The following AP1AR variants were observed in gnomAD, a reference collection of about 807,000 sequenced individuals.
AP1AR encodes the protein adaptor related protein complex 1 associated regulatory protein.
In AP1AR, 29 loss-of-function variants were observed where a neutral mutation model predicts 46.3. That is an observed-to-expected ratio of 0.63 (90% CI 0.47 to 0.85). The LOEUF is 0.85. Among genes scored for constraint, AP1AR ranks in the 40% least tolerant of loss-of-function variants. The probability of loss-of-function intolerance (pLI) is 0.00; values close to 1 mark genes in which losing one functional copy is unlikely to be tolerated. For missense variants in AP1AR, 357 were observed against 356.3 expected (o/e 1.00, Z -0.02); for synonymous variants, 122 against 122.9 (o/e 0.99, Z 0.05).
At chr4:112,259,036 A>T (rs1726329555) in intron 4 of AP1AR, among the ~76,000 whole-genome samples, 1 of 152,134 alleles carries the variant, frequency 6.6e-6, no homozygotes, top group Admixed American at 6.5e-5. Flanking sequence ...CTAGAAGAGG[A>T]TTCTGAAGAT....
Position 112,265,365 on chromosome 4 carries a change from C to G in AP1AR, c.440+298C>G, listed in dbSNP as rs1726656575. 3.9e-5 allele frequency: 14 copies of G among 358,598 alleles called. No individual in the cohort carries two copies. In the South Asian group the frequency reaches 8.9e-4, roughly 23 times the overall value. 22.2% of individuals were successfully genotyped at this position (358,598 alleles called of 1,614,324 possible). On this transcript the variant is annotated intron_variant, in intron 7 of 9. Transcript: ENST00000274000. ...TTATACCCCAGTTGTTTGTGTTTTC[C>G]TTAGTCCCTCTCTTTCTTATAATAA...
chr4:112,233,366 T>C (rs1254717722), intron 1 of AP1AR, among the ~76,000 whole-genome samples: 1 of 152,252 alleles, frequency 6.6e-6, no homozygotes, highest in Non-Finnish European at 1.5e-5. Context: ...GTGTAATATT[T>C]CGATTTCCCT....
intron 1 of AP1AR, among the ~76,000 whole-genome samples, chr4:112,245,163 C>T (rs980625452): frequency 1.3e-4 from 20 of 152,006 alleles, no homozygotes; most frequent in Non-Finnish European, 1.5e-5. Flanking sequence ...TTTATATACT[C>T]CTAATTTTTA....
At chr4:112,254,675 T>C in intron 2 of AP1AR, 72 bp from the exon 3 acceptor site, 2 of 950,404 alleles carry the variant, frequency 2.1e-6, no homozygotes, top group Non-Finnish European at 3.2e-6. Flanking sequence ...GTGAAAAAAG[T>C]AACATAATTT....
chr4:112,260,273 A>G (rs917362243), intron 4 of AP1AR, among the ~76,000 whole-genome samples: 2 of 152,200 alleles, frequency 1.3e-5, no homozygotes, highest in Admixed American at 6.5e-5. Context: ...CCAGAAGATG[A>G]CTGGGACAGA....
chr4:112,270,303 G>A lies in AP1AR; in HGVS notation c.*1894G>A, dbSNP rs1480455393. On this transcript the variant is annotated 3_prime_UTR_variant, in exon 10 of 10. Transcript: ENST00000274000. ...TAATATTATTGGAACTGTGTCTGGT[G>A]GGTGTTAGGGACATAGAAGTACAAA... Among the ~76,000 whole-genome samples the A allele has an allele frequency of 1.3e-5, 2 of 152,202 alleles. No homozygotes were observed. The highest frequency in any genetic ancestry group is 2.9e-5 in the Non-Finnish European group (2 of 68,032).
intron 1 of AP1AR, among the ~76,000 whole-genome samples, chr4:112,252,631 T>G (rs965011364): frequency 6.6e-6 from 1 of 152,216 alleles, no homozygotes; most frequent in African/African-American, 2.4e-5. Context: ...TTGGCCCTAG[T>G]TGGAAAAAAT....
chr4:112,266,606 C>T lies in AP1AR; in HGVS notation c.533C>T (p.Thr178Ile). Residue 178 changes from threonine to isoleucine, a missense_variant, in exon 9 of 10, where the codon ACA (threonine) becomes ATA (isoleucine). By Grantham distance (89) the Thr-to-Ile change is moderately conservative. Transcript: ENST00000274000. ...ATTCTAGGACTCTCATCAGATGCTACAGTTTTGACACCAAATACAGAAAGC... is the reference window on the plus strand; with the variant it reads ...ATTCTAGGACTCTCATCAGATGCTATAGTTTTGACACCAAATACAGAAAGC... ...FRSSRLSSDA[T>I]VLTPNTESSC... 2 of 1,610,222 alleles carry T rather than the reference C, an allele frequency of 1.2e-6. No individual in the cohort carries two copies. The highest frequency in any genetic ancestry group is 1.7e-6 in the Non-Finnish European group (2 of 1,177,512).
intron 1 of AP1AR, among the ~76,000 whole-genome samples, chr4:112,243,090 T>G (rs573656023): frequency 7.9e-5 from 12 of 152,314 alleles, no homozygotes; most frequent in Middle Eastern, 6.8e-3. Flanking sequence ...ATCGCCTTCC[T>G]TTTTCCTCCA....
intron 1 of AP1AR, among the ~76,000 whole-genome samples, chr4:112,249,969 T>C (rs1725886313): frequency 6.6e-6 from 1 of 152,244 alleles, no homozygotes; most frequent in Non-Finnish European, 1.5e-5. Flanking sequence ...AGCTCCAAGG[T>C]GGCAGGACCT....
Position 112,269,148 on chromosome 4 carries a change from T to C in AP1AR, c.*739T>C, listed in dbSNP as rs1726843007. 6.6e-6 allele frequency: 1 copy of C among 151,560 alleles called. No individual in the cohort carries two copies. Among genetic ancestry groups the C allele is most frequent in the African/African-American group, 2.4e-5 (1 of 41,256 alleles). 9.4% of individuals were successfully genotyped at this position (151,560 alleles called of 1,614,324 possible). On this transcript the variant is annotated 3_prime_UTR_variant, in exon 10 of 10. Transcript: ENST00000274000. ...CACTTCATTTTACATGCCACTATAT[T>C]GACTTTAATTGATATACAGTATTAA... is the stretch of plus-strand genomic sequence containing the variant.
At chr4:112,254,420 C>T (rs559930038) in intron 2 of AP1AR, among the ~76,000 whole-genome samples, 17 of 152,248 alleles carry the variant, frequency 1.1e-4, no homozygotes, top group African/African-American at 3.9e-4. Context: ...GTGGAATATT[C>T]TGGTAGCATG....
chr4:112,260,545 T>C (rs1266621164), intron 4 of AP1AR, among the ~76,000 whole-genome samples: 1 of 152,262 alleles, frequency 6.6e-6, no homozygotes, highest in Non-Finnish European at 1.5e-5. Context: ...CTTTAAAAAC[T>C]ATTCTGATAT....
In AP1AR at chr4:112,265,812, G is replaced by GT. The variant is rs1284835992; in HGVS notation, c.514+11dup. 6.3e-7 allele frequency: 1 copy of GT among 1,580,812 alleles called. No individual in the cohort carries two copies. Among genetic ancestry groups the GT allele is most frequent in the Non-Finnish European group, 8.7e-7 (1 of 1,153,192 alleles). ...ATGAAGTTTTTCGAAGTAGTAGTAAGTTTTTTAAAGTATTTTCTGTACTTT... is the reference window on the plus strand; with the variant it reads ...ATGAAGTTTTTCGAAGTAGTAGTAAGTTTTTTTAAAGTATTTTCTGTACTTT... On this transcript the variant is annotated splice_donor_region_variant and intron_variant, in intron 8 of 9. Transcript: ENST00000274000.
chr4:112,272,104 G>C lies in AP1AR; in HGVS notation c.*3695G>C, dbSNP rs1726976951. 6.6e-6 allele frequency among the ~76,000 whole-genome samples: 1 copy of C among 152,186 alleles called. No individual in the cohort carries two copies. Among genetic ancestry groups the C allele is most frequent in the African/African-American group, 2.4e-5 (1 of 41,434 alleles). ...TGAAGGGATGGAAACTGGGGAGTTG[G>C]GGATGAAGAATAAAGAACAGCTAAT... On this transcript the variant is annotated 3_prime_UTR_variant, in exon 10 of 10. Transcript: ENST00000274000.
intron 6 of AP1AR, 34 bp from the exon 7 acceptor site, chr4:112,264,973 CAG>C (rs752962207): frequency 1.3e-6 from 2 of 1,518,476 alleles, no homozygotes; most frequent in African/African-American, 2.8e-5. Context: ...AATTTTACAA[CAG>C]AGTGATTTTT....
chr4:112,251,369 T>A (rs563086209), intron 1 of AP1AR, among the ~76,000 whole-genome samples: 1 of 152,370 alleles, frequency 6.6e-6, no homozygotes, highest in East Asian at 1.9e-4. Flanking sequence ...GTTTGTATTA[T>A]CTATGTATAA....
Position 112,269,179 on chromosome 4 carries a change from T to C in AP1AR, c.*770T>C, listed in dbSNP as rs1726844536. The C allele has an allele frequency of 6.6e-6, 1 of 151,954 alleles. No homozygotes were observed. Among genetic ancestry groups the C allele is most frequent in the Non-Finnish European group, 1.5e-5 (1 of 67,726 alleles). 9.4% of individuals were successfully genotyped at this position (151,954 alleles called of 1,614,324 possible). On this transcript the variant is annotated 3_prime_UTR_variant, in exon 10 of 10. Transcript: ENST00000274000. The stretch of plus-strand genomic sequence containing the variant: ...TAATTGATATACAGTATTAAGTTTT[T>C]AGGTGCCATTATTTTTAAAAAATTC...
rs1726860605 is a variant in AP1AR, at chr4:112,269,533, T to C, written c.*1124T>C. ...TTTTGCTGAGGATTTGGTATGATTT[T>C]AGTAAGCAAACTGTTTTTTGGTTTT... On this transcript the variant is annotated 3_prime_UTR_variant, in exon 10 of 10. Transcript: ENST00000274000. 1 of 152,618 alleles carries C rather than the reference T, an allele frequency of 6.6e-6. No individual in the cohort carries two copies. The highest frequency in any genetic ancestry group is 2.1e-4 in the South Asian group (1 of 4,832). 9.5% of individuals were successfully genotyped at this position (152,618 alleles called of 1,614,324 possible). A position where few individuals can be genotyped will look rare whatever the true frequency, so the allele number is the denominator to read the frequency against.
Sources: gnomAD v4.1 joint callset for allele counts (sites outside exome capture counted in the v4.1 genomes callset) on GRCh38, gnomAD v4.1.1 for gene constraint, MANE v1.5 for transcripts, NCBI Gene and HGNC (gene_info 2026-07-23, HGNC 2026-07-21) for gene names.